Variants in NAV2 observed in about 807,000 individuals in gnomAD.
NAV2 encodes helicase, APC down-regulated 1.
NAV2 carries 54 observed loss-of-function variants against 223.2 expected under a neutral mutation model. The ratio of observed to expected loss-of-function variants is 0.24; its 90% CI spans 0.19 to 0.30. The LOEUF is 0.30. Ranked by LOEUF, NAV2 falls within the 10% of genes least tolerant of loss-of-function variation. NAV2 has a pLI of 1.00. For synonymous variants in NAV2, 1,279 were observed against 1,239.3 expected (o/e 1.03, Z -0.67); for missense variants, 2,806 against 3,147.5 (o/e 0.89, Z 2.60).
intron 1 of NAV2, among the ~76,000 whole-genome samples, chr11:19,678,773 A>AT (rs2048792961): frequency 6.6e-6 from 1 of 152,190 alleles, no homozygotes. Flanking sequence ...CAAAATGCTA[A>AT]TGCCCGGATT....
At chr11:19,861,048 G>T (rs1463754345) in intron 3 of NAV2, among the ~76,000 whole-genome samples, 1 of 146,954 alleles carries the variant, frequency 6.8e-6, no homozygotes, top group Non-Finnish European at 1.5e-5. Context: ...GAGGGAGGGG[G>T]AGGGGGAGGG....
chr11:19,547,561 G>A (rs2403497), intron 1 of NAV2, among the ~76,000 whole-genome samples: 105,976 of 152,032 alleles, frequency 0.7, 41,029 homozygotes, highest in Non-Finnish European at 0.86. Context: ...AGAGGGAGCT[G>A]CTGGCTTCCA....
intron 1 of NAV2, among the ~76,000 whole-genome samples, chr11:19,753,057 T>G (rs536635773): frequency 6.7e-4 from 102 of 152,300 alleles, no homozygotes; most frequent in Non-Finnish European, 1.1e-3. Context: ...CAACTGCCTG[T>G]GAATCAGGAG....
At chr11:19,539,378 C>T (rs2134510522) in intron 1 of NAV2, among the ~76,000 whole-genome samples, 1 of 152,332 alleles carries the variant, frequency 6.6e-6, no homozygotes, top group South Asian at 2.1e-4. Context: ...TAGATCCCTC[C>T]TCCATCCCAA....
At chr11:19,712,318 G>A (rs1313507440), upstream of NAV2, 1 of 152,280 alleles carries the variant, frequency 6.6e-6, no homozygotes, top group African/African-American at 2.4e-5. Context: ...TGCAGCCTTT[G>A]AAAACTGGAG....
intron 1 of NAV2, among the ~76,000 whole-genome samples, chr11:19,409,967 C>T (rs1387953672): frequency 6.6e-6 from 1 of 152,138 alleles, no homozygotes; most frequent in Non-Finnish European, 1.5e-5. Flanking sequence ...CCTGGCCCAA[C>T]TCGGGGCTAG....
intron 1 of NAV2, among the ~76,000 whole-genome samples, chr11:19,805,151 T>G (rs1031194101): frequency 2.6e-5 from 4 of 152,204 alleles, no homozygotes; most frequent in African/African-American, 4.8e-5. Flanking sequence ...GCTGACAGAT[T>G]CTGACAGGTC....
At chr11:19,946,228 T>C (rs2046928285) in intron 8 of NAV2, among the ~76,000 whole-genome samples, 173 bp from the exon 9 acceptor site, 1 of 152,228 alleles carries the variant, frequency 6.6e-6, no homozygotes, top group Non-Finnish European at 1.5e-5. Flanking sequence ...TCCTTTGGGC[T>C]TCCATTCACA....
chr11:19,666,379 T>C (rs2048410652), intron 1 of NAV2, among the ~76,000 whole-genome samples: 1 of 152,238 alleles, frequency 6.6e-6, no homozygotes. Flanking sequence ...TCGTTCCTCC[T>C]GTCATCACAG....
chr11:19,956,357 GACACACATACACAC>G (rs2047864333), intron 10 of NAV2, among the ~76,000 whole-genome samples: 7 of 144,602 alleles, frequency 4.8e-5, no homozygotes, highest in Admixed American at 4.8e-4. Flanking sequence ...CCACACCCCC[GACACACATACACAC>G]ACACACACAC....
At chr11:19,625,922 C>G (rs1410039846) in intron 1 of NAV2, among the ~76,000 whole-genome samples, 1 of 151,892 alleles carries the variant, frequency 6.6e-6, no homozygotes, top group Non-Finnish European at 1.5e-5. Context: ...CTTGTATATT[C>G]TGGATATTGA....
At chr11:19,816,250 G>A (rs1161465255) in intron 1 of NAV2, among the ~76,000 whole-genome samples, 4 of 152,242 alleles carry the variant, frequency 2.6e-5, no homozygotes, top group Non-Finnish European at 5.9e-5. Context: ...GAAGGAGCAG[G>A]CAAGCGCATT....
intron 29 of NAV2, among the ~76,000 whole-genome samples, chr11:20,094,942 G>A (rs1257556287): frequency 6.6e-6 from 1 of 152,146 alleles, no homozygotes; most frequent in Non-Finnish European, 1.5e-5. Context: ...TTTTATCACT[G>A]TGATCTGGTT....
At chr11:19,886,231 G>T (rs1454704435) in intron 5 of NAV2, among the ~76,000 whole-genome samples, 1 of 152,032 alleles carries the variant, frequency 6.6e-6, no homozygotes, top group Non-Finnish European at 1.5e-5. Flanking sequence ...TCCCGCCTTG[G>T]CCTCCCAGGG....
Position 20,054,076 on chromosome 11 carries a change from C to T in NAV2, c.4482-4C>T. ...TAATTCCGGCTTGATTTCTGTCTGT[C>T]CAGGTATACTCCCACCTCCCAGCTT... On this transcript the variant is annotated splice_polypyrimidine_tract_variant and splice_region_variant and intron_variant, in intron 17 of 37. Coordinates refer to ENST00000349880, the MANE Select transcript of NAV2 (RefSeq NM_145117.5). 1 of 1,612,540 alleles carries T rather than the reference C, an allele frequency of 6.2e-7. No individual in the cohort carries two copies. Among genetic ancestry groups the T allele is most frequent in the Non-Finnish European group, 8.5e-7 (1 of 1,179,656 alleles).
At chr11:20,079,336 C>T (rs1033090552) in intron 24 of NAV2, among the ~76,000 whole-genome samples, 14 of 152,168 alleles carry the variant, frequency 9.2e-5, no homozygotes, top group Admixed American at 6.5e-4. Flanking sequence ...CCACTACACC[C>T]GGCCGAGGGT....
intron 18 of NAV2, among the ~76,000 whole-genome samples, chr11:20,055,352 T>C (rs1236238924): frequency 6.6e-6 from 1 of 152,230 alleles, no homozygotes; most frequent in African/African-American, 2.4e-5. Flanking sequence ...TTCATACTGT[T>C]CTTTCCCAGC....
intron 1 of NAV2, among the ~76,000 whole-genome samples, chr11:19,663,572 A>G (rs1255999381): frequency 6.6e-6 from 1 of 151,996 alleles, no homozygotes; most frequent in Non-Finnish European, 1.5e-5. Context: ...TGTCTGCTCC[A>G]TTGTCATATA....
At position 20,080,142 on chromosome 11, in the gene NAV2, C is replaced by T. The variant is rs1377492221; in HGVS notation, c.5258C>T (p.Ala1753Val). The change falls in exon 25 of 38, where the codon GCC (alanine) becomes GTC (valine). Residue 1753 changes from alanine (A) to valine (V), a missense_variant. By Grantham distance (64) the Ala-to-Val change is moderately conservative (BLOSUM62 0). Coordinates refer to ENST00000349880, the MANE Select transcript of NAV2 (RefSeq NM_145117.5). The stretch of plus-strand genomic sequence containing the variant: ...GACAGCGTCTCCAGCATCAACAGTG[C>T]CACCAGCCACTCCAGCGTGGGCAGC... Reference protein sequence around the residue: ...SSDSVSSINSATSHSSVGSNI... With the variant: ...SSDSVSSINSVTSHSSVGSNI... The T allele has an allele frequency of 6.2e-7, 1 of 1,614,034 alleles. No individual in the cohort carries two copies. Among genetic ancestry groups the T allele is most frequent in the East Asian group, 2.2e-5 (1 of 44,852 alleles).
Sources: gnomAD v4.1 joint callset for allele counts (sites outside exome capture counted in the v4.1 genomes callset) on GRCh38, gnomAD v4.1.1 for gene constraint, MANE v1.5 for transcripts, NCBI Gene and HGNC (gene_info 2026-07-23, HGNC 2026-07-21) for gene names.